ASIP: variants seen among roughly 807,000 people sequenced by gnomAD.
ASIP encodes the protein agouti-signaling protein.
Under a neutral mutation model 10.3 loss-of-function variants are expected in ASIP, and 11 were observed. The ratio of observed to expected loss-of-function variants is 1.07; its 90% CI spans 0.68 to 1.78. The LOEUF (loss-of-function observed/expected upper bound fraction) is 1.78. ASIP is among the 40% of genes most tolerant of loss of function. The probability of loss-of-function intolerance (pLI) is 0.00; values close to 1 mark genes in which losing one functional copy is unlikely to be tolerated. For synonymous variants in ASIP, 70 were observed against 70.8 expected (o/e 0.99, Z 0.06); for missense variants, 180 against 169.2 (o/e 1.06, Z -0.35).
intron 1 of ASIP, among the ~76,000 whole-genome samples, chr20:34,222,503 G>A (rs1568751339): frequency 6.6e-6 from 1 of 152,184 alleles, no homozygotes. Context: ...AGCCTAACAT[G>A]CAGAGAAACT....
chr20:34,218,752 C>G (rs112916023), intron 1 of ASIP, among the ~76,000 whole-genome samples: 72 of 152,074 alleles, frequency 4.7e-4, no homozygotes, highest in African/African-American at 1.7e-3. Flanking sequence ...AAGCTCCACC[C>G]CCTGGGTTCA....
In ASIP at chr20:34,254,551, T is replaced by C. The variant is rs819163; in HGVS notation, c.-10-5814T>C. Among the ~76,000 whole-genome samples the C allele has an allele frequency of 4.6e-5, 7 of 152,198 alleles. No homozygotes were observed. In the East Asian group the frequency reaches 1.2e-3, roughly 25 times the overall value. On this transcript the variant is annotated intron_variant, in intron 1 of 3. Transcript: ENST00000374954. ...AAAATCTGAACTTACCTGAAGACAT[T>C]TGGCAACAAAACCCGTCCCGAATTG...
intron 1 of ASIP, among the ~76,000 whole-genome samples, chr20:34,258,769 A>AAT (rs1354827327): frequency 2.1e-5 from 2 of 96,324 alleles, no homozygotes; most frequent in Non-Finnish European, 1.9e-5. Context: ...TGATATATAT[A>AAT]ATATATATAG....
rs1412376937 is a variant in ASIP at position 34,245,441 on chromosome 20, T to G, written c.-11+3952T>G. On this transcript the variant is annotated intron_variant, in intron 1 of 3. Coordinates refer to ENST00000374954, the MANE Select transcript of ASIP (RefSeq NM_001672.3). ...TCTCACTCTGTCACCCAGGTTGGAGTGCAATGGCAGATCTCGGCTCACTGC... is the reference window on the plus strand; with the variant it reads ...TCTCACTCTGTCACCCAGGTTGGAGGGCAATGGCAGATCTCGGCTCACTGC... 5.4e-5 allele frequency among the ~76,000 whole-genome samples: 8 copies of G among 149,070 alleles called. No homozygotes were observed. The Admixed American group carries it at 5.4e-4, about 10-fold the overall frequency.
At chr20:34,243,467 T>A (rs2035315327) in intron 1 of ASIP, among the ~76,000 whole-genome samples, 1 of 151,136 alleles carries the variant, frequency 6.6e-6, no homozygotes, top group South Asian at 2.1e-4. Context: ...TTATTCTGAA[T>A]TTTTTTTTAC....
chr20:34,258,606 A>T (rs1295156855), intron 1 of ASIP, among the ~76,000 whole-genome samples: 5 of 134,662 alleles, frequency 3.7e-5, no homozygotes, highest in Non-Finnish European at 6.2e-5. Context: ...CTGTGAGAAA[A>T]TATAAAGCTG....
At chr20:34,204,711 C>A (rs1425481600) in intron 1 of ASIP, among the ~76,000 whole-genome samples, 1 of 152,122 alleles carries the variant, frequency 6.6e-6, no homozygotes, top group Non-Finnish European at 1.5e-5. Context: ...AGGAATTTTT[C>A]TTCTAATTCT....
intron 3 of ASIP, among the ~76,000 whole-genome samples, chr20:34,267,657 G>A (rs919591440): frequency 2.0e-5 from 3 of 151,616 alleles, no homozygotes; most frequent in Non-Finnish European, 4.4e-5. Context: ...TCAGCCTCCC[G>A]GGAGTAGCTG....
intron 1 of ASIP, among the ~76,000 whole-genome samples, chr20:34,227,439 T>C (rs2035100527): frequency 6.6e-6 from 1 of 152,094 alleles, no homozygotes; most frequent in African/African-American, 2.4e-5. Flanking sequence ...GAGACCATCC[T>C]GGCCAACATG....
chr20:34,253,167 GCTCA>G (rs2035508222), intron 1 of ASIP, among the ~76,000 whole-genome samples: 1 of 151,264 alleles, frequency 6.6e-6, no homozygotes, highest in African/African-American at 2.4e-5. Context: ...GAGTGCAGTG[GCTCA>G]CTCAGCTCAC....
chr20:34,199,356 A>C (rs192170225), intron 1 of ASIP, among the ~76,000 whole-genome samples: 6 of 151,996 alleles, frequency 3.9e-5, no homozygotes, highest in African/African-American at 1.5e-4. Context: ...GAATTGCTGA[A>C]TCATAGGACA....
intron 2 of ASIP, 135 bp from the exon 3 acceptor site, chr20:34,262,697 G>C: frequency 1.1e-6 from 1 of 916,860 alleles, no homozygotes; most frequent in Non-Finnish European, 1.7e-6. Context: ...GAGTCCTACA[G>C]TGTGACTCAT....
intron 3 of ASIP, among the ~76,000 whole-genome samples, chr20:34,265,353 T>C (rs1026037523): frequency 2.6e-5 from 4 of 151,828 alleles, no homozygotes; most frequent in Non-Finnish European, 5.9e-5. Flanking sequence ...TGAAACCTCA[T>C]CTCTACAAAA....
At chr20:34,243,721 ATCTT>A (rs959016191) in intron 1 of ASIP, among the ~76,000 whole-genome samples, 1 of 151,150 alleles carries the variant, frequency 6.6e-6, no homozygotes. Flanking sequence ...TAAATTTTAC[ATCTT>A]TCTAATACTT....
intron 1 of ASIP, among the ~76,000 whole-genome samples, chr20:34,195,120 G>C (rs1228086704): frequency 1.4e-5 from 2 of 143,144 alleles, no homozygotes; most frequent in Non-Finnish European, 3.0e-5. Context: ...AGGCAGCTGA[G>C]AAGGTACCAG....
At chr20:34,207,940 C>T (rs2034948144) in intron 1 of ASIP, among the ~76,000 whole-genome samples, 1 of 152,086 alleles carries the variant, frequency 6.6e-6, no homozygotes, top group African/African-American at 2.4e-5. Flanking sequence ...CAGGCGCCCA[C>T]CACCACGCCT....
chr20:34,194,934 C>T (rs753382048), intron 1 of ASIP, among the ~76,000 whole-genome samples: 8 of 151,956 alleles, frequency 5.3e-5, no homozygotes, highest in Non-Finnish European at 1.2e-4. Flanking sequence ...TGTTTATTTG[C>T]TTCTTCTATA....
In ASIP at chr20:34,195,785, CT is replaced by C. The variant is rs571961363; in HGVS notation, c.-11+1034del. Among the ~76,000 whole-genome samples, 357 of 151,434 alleles carry C rather than the reference CT, an allele frequency of 2.4e-3. 3 individuals carry two copies. The highest frequency in any genetic ancestry group is 8.1e-3 in the African/African-American group (336 of 41,338). Reference sequence around the variant, plus strand: ...ATATAGCCAAAATTGAGACAATTACCTTTTTTTTTGTTTTGTTTTGTTTGTT... The same window carrying C: ...ATATAGCCAAAATTGAGACAATTACCTTTTTTTTGTTTTGTTTTGTTTGTT... On this transcript the variant is annotated intron_variant, in intron 1 of 3. Coordinates refer to the ASIP transcript ENST00000568305.
intron 1 of ASIP, among the ~76,000 whole-genome samples, chr20:34,244,851 T>C (rs990688300): frequency 2.6e-5 from 4 of 152,164 alleles, no homozygotes; most frequent in African/African-American, 7.2e-5. Context: ...ACAAAGCAAA[T>C]TGAACCACAA....
Sources: gnomAD v4.1 joint callset for allele counts (sites outside exome capture counted in the v4.1 genomes callset) on GRCh38, gnomAD v4.1.1 for gene constraint, MANE v1.5 for transcripts, NCBI Gene and HGNC (gene_info 2026-07-23, HGNC 2026-07-21) for gene names.